C16orf74: variants seen among roughly 807,000 people sequenced by gnomAD.
The protein encoded by C16orf74 is calcimembrin.
Under a neutral mutation model 6.5 loss-of-function variants are expected in C16orf74, and 10 were observed. The ratio of observed to expected loss-of-function variants is 1.54; its 90% confidence interval spans 0.95 to 2.61. C16orf74 has a LOEUF of 2.61. Among genes scored for constraint, C16orf74 ranks in the 30% most tolerant of loss-of-function variants. The pLI is 0.00. For synonymous variants in C16orf74, 60 were observed against 42.5 expected, an observed-to-expected ratio of 1.41 and a Z score of -1.60; for missense variants, 141 against 105.9, an observed-to-expected ratio of 1.33 and a Z score of -1.45.
intron 2 of C16orf74, among the ~76,000 whole-genome samples, chr16:85,733,036 T>A (rs973355414): frequency 4.6e-5 from 7 of 152,172 alleles, no homozygotes; most frequent in Admixed American, 4.6e-4. Flanking sequence ...TGGTCTACCT[T>A]CCTGATCAAG....
chr16:85,732,792 C>T (rs2054204219), intron 2 of C16orf74, among the ~76,000 whole-genome samples: 1 of 151,924 alleles, frequency 6.6e-6, no homozygotes, highest in Non-Finnish European at 1.5e-5. Context: ...TGGGCAGGGG[C>T]CGGCAGCACC....
At chr16:85,722,747 C>G (rs2054095311) in intron 2 of C16orf74, among the ~76,000 whole-genome samples, 2 of 151,910 alleles carry the variant, frequency 1.3e-5, no homozygotes, top group Admixed American at 1.3e-4. Flanking sequence ...CGGGAAAGCC[C>G]CGGCCCAGGG....
In C16orf74 at chr16:85,748,054, C is replaced by G. The variant is rs113240960; in HGVS notation, c.-19+2872G>C. On this transcript the variant is annotated intron_variant, in intron 1 of 3. Transcript: ENST00000284245. ...TGAGCTGGTATTGCACCACTGCACTCCAGCCTGGGTGACAGAGCGAGACTC... is the reference window on the plus strand; with the variant it reads ...TGAGCTGGTATTGCACCACTGCACTGCAGCCTGGGTGACAGAGCGAGACTC... 2.2e-4 allele frequency among the ~76,000 whole-genome samples: 26 copies of G among 117,414 alleles called. 1 individual carries two copies. Among genetic ancestry groups the G allele is most frequent in the African/African-American group, 6.0e-4 (22 of 36,852 alleles). 77.0% of individuals were successfully genotyped at this position (117,414 alleles called of 152,430 possible).
chr16:85,746,346 C>T (rs1416956180), intron 1 of C16orf74, among the ~76,000 whole-genome samples: 1 of 152,236 alleles, frequency 6.6e-6, no homozygotes, highest in South Asian at 2.1e-4. Context: ...TGAGACTCGC[C>T]TCAAACAAAC....
At chr16:85,711,016 T>A (rs529540034) in intron 2 of C16orf74, among the ~76,000 whole-genome samples, 1 of 152,278 alleles carries the variant, frequency 6.6e-6, no homozygotes, top group African/African-American at 2.4e-5. Flanking sequence ...TAGGAGTGCT[T>A]TAAATTTCAA....
chr16:85,729,334 C>T (rs576140045), intron 2 of C16orf74, among the ~76,000 whole-genome samples: 9 of 152,342 alleles, frequency 5.9e-5, no homozygotes, highest in East Asian at 3.9e-4. Context: ...GGGACACTCC[C>T]GTGGGTCACA....
chr16:85,723,381 A>G (rs560158665), intron 2 of C16orf74, among the ~76,000 whole-genome samples: 2 of 152,062 alleles, frequency 1.3e-5, no homozygotes, highest in Non-Finnish European at 2.9e-5. Context: ...AGCCTGGGCA[A>G]CATAGCAAGA....
intron 3 of C16orf74, among the ~76,000 whole-genome samples, chr16:85,708,934 T>C (rs2053939620): frequency 6.6e-6 from 1 of 152,234 alleles, no homozygotes. Flanking sequence ...CTGATGCCAC[T>C]TGCGGGGAGG....
At chr16:85,727,759 A>G (rs2054148541) in intron 2 of C16orf74, among the ~76,000 whole-genome samples, 1 of 151,770 alleles carries the variant, frequency 6.6e-6, no homozygotes, top group East Asian at 1.9e-4. Flanking sequence ...GGTTGCAGTG[A>G]GCTGAGGTTG....
At chr16:85,748,925 A>ATTTTTTTTTTTTTTTTT (rs748594620) in intron 1 of C16orf74, among the ~76,000 whole-genome samples, 5 of 73,114 alleles carry the variant, frequency 6.8e-5, no homozygotes, top group African/African-American at 2.0e-4. Flanking sequence ...GGAGGCTTTG[A>ATTTTTTTTTTTTTTTTT]TTTTTTTTTT....
At chr16:85,725,760 C>T (rs1252454260) in intron 2 of C16orf74, among the ~76,000 whole-genome samples, 1 of 152,158 alleles carries the variant, frequency 6.6e-6, no homozygotes, top group Non-Finnish European at 1.5e-5. Context: ...CATGCTACCA[C>T]ACCCAACTAA....
rs940724953 is a variant in C16orf74, at chr16:85,707,942, C to T, written c.*66G>A. The T allele has an allele frequency of 1.1e-5, 15 of 1,403,762 alleles. 1 individual carries two copies. The highest frequency in any genetic ancestry group is 9.9e-5 in the East Asian group (4 of 40,282). 87.0% of individuals were successfully genotyped at this position (1,403,762 alleles called of 1,614,324 possible). ...TCAGCACACCTGCTCCAGGCAGCCACGCCCCCGGACACCTGAAGCCGGGCC... is the reference window on the plus strand; with the variant it reads ...TCAGCACACCTGCTCCAGGCAGCCATGCCCCCGGACACCTGAAGCCGGGCC... On this transcript the variant is annotated 3_prime_UTR_variant, in exon 4 of 4. Coordinates refer to ENST00000284245, the MANE Select transcript of C16orf74 (RefSeq NM_206967.3).
At chr16:85,724,569 A>G (rs533964103) in intron 2 of C16orf74, among the ~76,000 whole-genome samples, 1 of 152,238 alleles carries the variant, frequency 6.6e-6, no homozygotes, top group African/African-American at 2.4e-5. Flanking sequence ...AGATGGAGGG[A>G]AAGAGCTGAA....
At chr16:85,722,319 C>G (rs766358711) in intron 2 of C16orf74, among the ~76,000 whole-genome samples, 15 of 152,132 alleles carry the variant, frequency 9.9e-5, no homozygotes, top group Admixed American at 5.9e-4. Context: ...TATAAGCAGG[C>G]CGATTCCAGT....
intron 1 of C16orf74, among the ~76,000 whole-genome samples, chr16:85,745,726 C>T (rs1338424368): frequency 6.7e-6 from 1 of 150,192 alleles, no homozygotes; most frequent in African/African-American, 2.5e-5. Flanking sequence ...GAATCTCCCG[C>T]TGACTGAGGG....
intron 2 of C16orf74, among the ~76,000 whole-genome samples, chr16:85,712,799 T>A (rs2053983095): frequency 6.6e-6 from 1 of 152,240 alleles, no homozygotes; most frequent in African/African-American, 2.4e-5. Flanking sequence ...TGTCCGCGGT[T>A]TCTGAGAGGT....
intron 1 of C16orf74, chr16:85,741,815 T>C (rs1321272593): frequency 6.1e-6 from 1 of 165,040 alleles, no homozygotes; most frequent in Non-Finnish European, 1.5e-5. Flanking sequence ...AAACAGGCAT[T>C]GAGCCACCAG....
At chr16:85,739,001 T>C (rs1170144424) in intron 1 of C16orf74, among the ~76,000 whole-genome samples, 1 of 152,114 alleles carries the variant, frequency 6.6e-6, no homozygotes, top group Non-Finnish European at 1.5e-5. Context: ...ACGCTTTTAG[T>C]GACCAGGCAG....
At chr16:85,712,362 T>G (rs954976244) in intron 2 of C16orf74, among the ~76,000 whole-genome samples, 3 of 152,210 alleles carry the variant, frequency 2.0e-5, no homozygotes, top group Middle Eastern at 6.3e-3. Flanking sequence ...TGGCATAGTT[T>G]GTTATGCAGT....
Sources: gnomAD v4.1 joint callset for allele counts (sites outside exome capture counted in the v4.1 genomes callset) on GRCh38, gnomAD v4.1.1 for gene constraint, MANE v1.5 for transcripts, NCBI Gene and HGNC (gene_info 2026-07-23, HGNC 2026-07-21) for gene names.